MAP2K5: variants seen among roughly 807,000 people sequenced by gnomAD.
The protein encoded by MAP2K5 is dual specificity mitogen-activated protein kinase kinase 5.
A neutral mutation model predicts 83.1 loss-of-function variants in MAP2K5; 49 were observed. The observed-to-expected ratio is 0.59, with a 90% CI of 0.47 to 0.75. The LOEUF (loss-of-function observed/expected upper bound fraction) is 0.75, where lower values mean the gene tolerates loss of function less well. Ranked by LOEUF, MAP2K5 falls within the 30% of genes least tolerant of loss-of-function variation. MAP2K5 has a pLI of 0.00. For missense variants in MAP2K5, 457 were observed against 557.5 expected (o/e 0.82, Z 1.82); for synonymous variants, 202 against 191.8 (o/e 1.05, Z -0.44).
rs1298169439 is a variant in MAP2K5, at chr15:67,719,874, A to G, written c.1045-8042A>G. Reference sequence around the variant, plus strand: ...TCATGACTAAACTTTATGTCTCTTTAACTCAGAGTCTCTCACGAATTTCCT... The same window carrying G: ...TCATGACTAAACTTTATGTCTCTTTGACTCAGAGTCTCTCACGAATTTCCT... On this transcript the variant is annotated intron_variant, in intron 16 of 21. Coordinates refer to ENST00000178640, the MANE Select transcript of MAP2K5 (RefSeq NM_145160.3). This position sits in a 1 kb window ranked among gnomAD's most constrained non-coding sequence, Gnocchi z 4.6. Among the ~76,000 whole-genome samples, 5 of 152,210 alleles carry G rather than the reference A, an allele frequency of 3.3e-5. No individual in the cohort carries two copies. Among genetic ancestry groups the G allele is most frequent in the Non-Finnish European group, 5.9e-5 (4 of 68,022 alleles).
intron 13 of MAP2K5, among the ~76,000 whole-genome samples, chr15:67,669,713 C>T (rs539808259): frequency 1.3e-5 from 2 of 152,092 alleles, no homozygotes; most frequent in East Asian, 1.9e-4. Flanking sequence ...AAGAGAAAGG[C>T]GTCAAGGTTG....
In MAP2K5 at chr15:67,561,745, A is replaced by G. The variant is rs891347029; in HGVS notation, c.185-1538A>G. On this transcript the variant is annotated intron_variant, in intron 2 of 21. Coordinates refer to ENST00000178640, the MANE Select transcript of MAP2K5 (RefSeq NM_145160.3). This position sits in a 1 kb window ranked among gnomAD's most constrained non-coding sequence, Gnocchi z 4.2. ...CTATCAGATTGCTGTTGGCCACTGA[A>G]GAGATAAAGGGAGAAAGTATTTTGC... 1.3e-5 allele frequency among the ~76,000 whole-genome samples: 2 copies of G among 152,160 alleles called. No homozygotes were observed. The highest frequency in any genetic ancestry group is 6.5e-5 in the Admixed American group (1 of 15,272).
chr15:67,663,030 C>T (rs1309984660), intron 12 of MAP2K5, among the ~76,000 whole-genome samples: 1 of 152,110 alleles, frequency 6.6e-6, no homozygotes, highest in Non-Finnish European at 1.5e-5. Context: ...CACCCATATT[C>T]CCCAGTTGTT....
At chr15:67,685,671 T>G (rs545594315) in intron 13 of MAP2K5, among the ~76,000 whole-genome samples, 24 of 152,214 alleles carry the variant, frequency 1.6e-4, no homozygotes, top group Non-Finnish European at 2.2e-4. Flanking sequence ...TGGAAATATA[T>G]TATTGTAAGG....
intron 3 of MAP2K5, among the ~76,000 whole-genome samples, chr15:67,571,819 C>T (rs2084952007): frequency 6.6e-6 from 1 of 152,114 alleles, no homozygotes; most frequent in Non-Finnish European, 1.5e-5. Context: ...TTTGTTTCCT[C>T]ATTCATCCAA....
chr15:67,792,689 TGG>T (rs2090538883), intron 21 of MAP2K5, among the ~76,000 whole-genome samples: 3 of 152,326 alleles, frequency 2.0e-5, no homozygotes, highest in Non-Finnish European at 2.9e-5. Context: ...TCATCCCTAA[TGG>T]TATTAAAAAT....
intron 13 of MAP2K5, among the ~76,000 whole-genome samples, chr15:67,670,969 T>C (rs576764866): frequency 2.0e-5 from 3 of 152,334 alleles, no homozygotes; most frequent in Non-Finnish European, 4.4e-5. Flanking sequence ...TGGACAATTT[T>C]AAAAGCTCAG....
intron 8 of MAP2K5, chr15:67,628,888 TG>T: frequency 1.3e-6 from 1 of 747,556 alleles, no homozygotes; most frequent in East Asian, 2.5e-5. Flanking sequence ...ATGGCGGCAG[TG>T]GGGATGGATG....
chr15:67,781,763 C>CT lies in MAP2K5; in HGVS notation c.1242+9012dup, dbSNP rs1218822855. On this transcript the variant is annotated intron_variant, in intron 21 of 21. Coordinates refer to ENST00000178640, the MANE Select transcript of MAP2K5 (RefSeq NM_145160.3). This position sits in a 1 kb window ranked among gnomAD's most constrained non-coding sequence, Gnocchi z 4.0. ...ACCCGATTGACTCTTAATTGTTAGC[C>CT]TGTGTGTGTCTTAGCTTCCTCAGAA... Among the ~76,000 whole-genome samples the CT allele has an allele frequency of 6.6e-6, 1 of 152,148 alleles. No homozygotes were observed. The highest frequency in any genetic ancestry group is 1.5e-5 in the Non-Finnish European group (1 of 68,022).
rs71142388 is a variant in MAP2K5, at chr15:67,624,589, T to TTG, written c.546-6250_546-6249dup. The stretch of plus-strand genomic sequence containing the variant: ...AAAAAAATTAAACATCACGATCTCT[T>TTG]TGTGTGTGTGTGTGTGTGTGTGTGT... On this transcript the variant is annotated intron_variant, in intron 8 of 21. Transcript: ENST00000178640. 2.7e-3 allele frequency among the ~76,000 whole-genome samples: 381 copies of TTG among 141,774 alleles called. 2 individuals are homozygous for TTG. The highest frequency in any genetic ancestry group is 6.8e-3 in the African/African-American group (258 of 38,044). 93.0% of individuals were successfully genotyped at this position (141,774 alleles called of 152,430 possible).
Position 67,764,435 on chromosome 15 carries a change from G to A in MAP2K5, c.1135-5167G>A, listed in dbSNP as rs2090004907. Among the ~76,000 whole-genome samples, 1 of 152,172 alleles carries A rather than the reference G, an allele frequency of 6.6e-6. No homozygotes were observed. The highest frequency in any genetic ancestry group is 2.4e-5 in the African/African-American group (1 of 41,436). ...CTCGTTTGTGAACTCGCGTCTGCCA[G>A]CCAAACTGAACCAAAACCTCAGTGC... On this transcript the variant is annotated intron_variant, in intron 19 of 21. Transcript: ENST00000178640. This position sits in a 1 kb window ranked among gnomAD's most constrained non-coding sequence, Gnocchi z 4.9.
At position 67,783,545 on chromosome 15, in the gene MAP2K5, C is replaced by T. The variant is rs1285536076; in HGVS notation, c.1242+10793C>T. ...TTGAGGACTTCCTTTTGCCTGTCACCCTTCACCCTGGCTAATACTTCTGTT... is the reference window on the plus strand; with the variant it reads ...TTGAGGACTTCCTTTTGCCTGTCACTCTTCACCCTGGCTAATACTTCTGTT... On this transcript the variant is annotated intron_variant, in intron 21 of 21. Transcript: ENST00000178640. The surrounding 1 kb of genome is among the most constrained non-coding windows in gnomAD (Gnocchi z 5.1). Among the ~76,000 whole-genome samples, 1 of 152,138 alleles carries T rather than the reference C, an allele frequency of 6.6e-6. No individual in the cohort carries two copies. The highest frequency in any genetic ancestry group is 1.5e-5 in the Non-Finnish European group (1 of 68,026).
In MAP2K5 at chr15:67,563,148, A is replaced by G; in HGVS notation, c.185-135A>G. On this transcript the variant is annotated intron_variant, in intron 2 of 21. Coordinates refer to ENST00000178640, the MANE Select transcript of MAP2K5 (RefSeq NM_145160.3). This position sits in a 1 kb window ranked among gnomAD's most constrained non-coding sequence, Gnocchi z 4.5. ...CAAATGGAAAACAAAACAACAAACT[A>G]ATAATGTCAACATACCCCCAAAATG... The G allele has an allele frequency of 2.2e-6, 2 of 923,272 alleles. No individual in the cohort carries two copies. Among genetic ancestry groups the G allele is most frequent in the East Asian group, 2.7e-5 (1 of 36,902 alleles). 57.2% of individuals were successfully genotyped at this position (923,272 alleles called of 1,614,324 possible).
At position 67,702,912 on chromosome 15, in the gene MAP2K5, A is replaced by G. The variant is rs185225856; in HGVS notation, c.973-425A>G. 9.2e-5 allele frequency among the ~76,000 whole-genome samples: 14 copies of G among 152,356 alleles called. No individual in the cohort carries two copies. The East Asian group carries it at 2.5e-3, about 27-fold the overall frequency. On this transcript the variant is annotated intron_variant, in intron 15 of 21. Transcript: ENST00000178640. This position sits in a 1 kb window ranked among gnomAD's most constrained non-coding sequence, Gnocchi z 4.6. ...AAACCCTCCTGTTCCAGACCAATCTATCAAAATGCAAATAAGTGATAATAT... is the reference window on the plus strand; with the variant it reads ...AAACCCTCCTGTTCCAGACCAATCTGTCAAAATGCAAATAAGTGATAATAT...
chr15:67,695,965 G>T (rs2088242159), intron 15 of MAP2K5, among the ~76,000 whole-genome samples: 1 of 151,996 alleles, frequency 6.6e-6, no homozygotes, highest in Non-Finnish European at 1.5e-5. Context: ...TTGAGAGTGA[G>T]TGCTTTGCTC....
intron 8 of MAP2K5, among the ~76,000 whole-genome samples, chr15:67,609,161 A>G (rs1290080247): frequency 1.3e-5 from 2 of 152,198 alleles, no homozygotes; most frequent in Admixed American, 1.3e-4. Context: ...TCCCAGAACT[A>G]AATTCAGCAT....
In MAP2K5 at chr15:67,665,214, G is replaced by A. The variant is rs918878811; in HGVS notation, c.847+569G>A. ...AACTTTAAATAAGTTATTGGTGAAA[G>A]CATCAGGAATAGTCCCCTTGTCTAG... On this transcript the variant is annotated intron_variant, in intron 13 of 21. Transcript: ENST00000178640. This position sits in a 1 kb window ranked among gnomAD's most constrained non-coding sequence, Gnocchi z 4.2. Among the ~76,000 whole-genome samples the A allele has an allele frequency of 2.0e-5, 3 of 152,154 alleles. No individual in the cohort carries two copies. The highest frequency in any genetic ancestry group is 7.2e-5 in the African/African-American group (3 of 41,438).
rs182757659 is a variant in MAP2K5, at chr15:67,549,314, T to C, written c.136-720T>C. The stretch of plus-strand genomic sequence containing the variant: ...CATTGATGTCAGATTATATACCCTT[T>C]TTAGATTTTTGTTGTAGGCTAGATT... On this transcript the variant is annotated intron_variant, in intron 1 of 21. Transcript: ENST00000178640. 1.4e-5 allele frequency: 14 copies of C among 982,318 alleles called. No homozygotes were observed. In the Admixed American group the frequency reaches 2.6e-4, roughly 18 times the overall value. The allele number at this position is 982,318 out of a possible 1,614,324, so 60.9% of individuals were successfully genotyped here.
chr15:67,595,316 T>C (rs1456724481), intron 7 of MAP2K5, among the ~76,000 whole-genome samples: 1 of 152,244 alleles, frequency 6.6e-6, no homozygotes, highest in East Asian at 1.9e-4. Flanking sequence ...AACATTTGAC[T>C]GGCCTGTGTT....
Sources: gnomAD v4.1 joint callset for allele counts (sites outside exome capture counted in the v4.1 genomes callset) on GRCh38, gnomAD v4.1.1 for gene constraint, Gnocchi (gnomAD v3.1) non-coding constraint, MANE v1.5 for transcripts, NCBI Gene and HGNC (gene_info 2026-07-23, HGNC 2026-07-21) for gene names.